Variants in BPIFB4 observed in about 807,000 individuals in gnomAD.
BPIFB4 encodes the protein BPI fold-containing family B member 4.
BPIFB4 carries 62 observed loss-of-function variants against 69.2 expected under a neutral mutation model. That is an observed-to-expected ratio of 0.90 (90% CI 0.73 to 1.11). The LOEUF is 1.11. Among genes scored for constraint, BPIFB4 ranks in the 50% least tolerant of loss-of-function variants. The probability of loss-of-function intolerance (pLI) is 0.00; values close to 1 mark genes in which losing one functional copy is unlikely to be tolerated. For missense variants in BPIFB4, 789 were observed against 792.0 expected (o/e 1.00, Z 0.04); for synonymous variants, 330 against 332.7 (o/e 0.99, Z 0.09).
At chr20:33,092,723 GTC>G in intron 11 of BPIFB4, 65 bp downstream of exon 11, 1 of 1,460,528 alleles carries the variant, frequency 6.8e-7, no homozygotes, top group African/African-American at 1.4e-5. Flanking sequence ...ACCCTTCTCA[GTC>G]TCCACAGACT....
chr20:33,093,928 ATCTG>A (rs1357450158), intron 11 of BPIFB4, among the ~76,000 whole-genome samples: 3 of 152,072 alleles, frequency 2.0e-5, no homozygotes, highest in Non-Finnish European at 4.4e-5. Flanking sequence ...TATCTGTCTG[ATCTG>A]TCTGTCTGTC....
chr20:33,081,136 G>A (rs1037158298), intron 2 of BPIFB4, among the ~76,000 whole-genome samples: 5 of 152,212 alleles, frequency 3.3e-5, no homozygotes, highest in African/African-American at 1.2e-4. Context: ...GAGTAGATGA[G>A]TAGATGGGTA....
At chr20:33,108,171 C>G (rs1982124910) in intron 17 of BPIFB4, among the ~76,000 whole-genome samples, 1 of 152,104 alleles carries the variant, frequency 6.6e-6, no homozygotes, top group African/African-American at 2.4e-5. Context: ...GTGCCAGGCA[C>G]TATGCAGGGG....
At chr20:33,089,842 G>A (rs1173016218) in intron 9 of BPIFB4, among the ~76,000 whole-genome samples, 1 of 152,210 alleles carries the variant, frequency 6.6e-6, no homozygotes. Context: ...GGCTCGTCCT[G>A]GGAGCCAGGA....
At chr20:33,081,482 A>ACATCTG (rs1568999224) in intron 2 of BPIFB4, 30 bp from the exon 3 acceptor site, 3 of 1,549,430 alleles carry the variant, frequency 1.9e-6, no homozygotes, top group Admixed American at 3.9e-5. Context: ...GCGCCCAGCC[A>ACATCTG]CATCTGCATC....
intron 3 of BPIFB4, 31 bp downstream of exon 3, chr20:33,081,663 G>T (rs1262459506): frequency 6.4e-7 from 1 of 1,550,574 alleles, no homozygotes; most frequent in Non-Finnish European, 8.7e-7. Flanking sequence ...GTGAGGGTTG[G>T]CATGGGGTGA....
At chr20:33,107,249 A>AAAT (rs1982089761) in intron 16 of BPIFB4, among the ~76,000 whole-genome samples, 1 of 145,132 alleles carries the variant, frequency 6.9e-6, no homozygotes, top group Non-Finnish European at 1.6e-5. Flanking sequence ...AAAGAAAAGA[A>AAAT]AAGAAAAGAA....
Position 33,090,725 on chromosome 20 carries a change from A to T in BPIFB4, c.1069A>T (p.Ile357Leu). The T allele has an allele frequency of 6.2e-7, 1 of 1,614,060 alleles. No individual in the cohort carries two copies. Among genetic ancestry groups the T allele is most frequent in the South Asian group, 1.1e-5 (1 of 91,068 alleles). Residue 357 changes from isoleucine to leucine, a missense_variant, in exon 10 of 18, where the codon ATA becomes TTA. By Grantham distance (5) the Ile-to-Leu change is conservative. Around this residue, in one of 3 missense-constraint regions of BPIFB4, gnomAD observed 611 missense variants for 575.4 expected, o/e 1.06. Transcript: ENST00000375483. The part of the protein sequence containing the change: ...GLVDSLIPLG[I>L]LGSVQYTFSS... ...GCCTGCAGCTCTGATTCCTCTGGGG[A>T]TATTGGGAAGTGTCCAGTACACCTT...
chr20:33,086,874 T>A (rs148471519), intron 7 of BPIFB4, among the ~76,000 whole-genome samples: 44 of 152,354 alleles, frequency 2.9e-4, no homozygotes, highest in African/African-American at 9.9e-4. Flanking sequence ...GAGTACACAC[T>A]CAGAGCGGAG....
intron 17 of BPIFB4, among the ~76,000 whole-genome samples, chr20:33,109,748 T>C (rs1411006284): frequency 6.6e-6 from 1 of 152,194 alleles, no homozygotes; most frequent in African/African-American, 2.4e-5. Flanking sequence ...ACACAGGTTA[T>C]AGAATCTGTG....
At chr20:33,094,671 T>G (rs900282694) in intron 11 of BPIFB4, among the ~76,000 whole-genome samples, 1 of 152,094 alleles carries the variant, frequency 6.6e-6, no homozygotes, top group Non-Finnish European at 1.5e-5. Context: ...CATGCCCGGC[T>G]AATTTTTGTA....
intron 14 of BPIFB4, among the ~76,000 whole-genome samples, chr20:33,101,046 A>G (rs974675600): frequency 6.6e-6 from 1 of 152,060 alleles, no homozygotes. Context: ...CCCTGTCTCT[A>G]AGTAACAGTG....
At chr20:33,081,731 C>G in intron 3 of BPIFB4, 99 bp downstream of exon 3, 4 of 1,495,176 alleles carry the variant, frequency 2.7e-6, no homozygotes, top group Non-Finnish European at 2.7e-6. Context: ...TAGCAGAGTT[C>G]ACATCGGGAG....
chr20:33,089,420 G>T, intron 8 of BPIFB4, 78 bp from the exon 9 acceptor site: 2 of 1,604,164 alleles, frequency 1.2e-6, no homozygotes. Flanking sequence ...TTTAGCTATC[G>T]TTACTCTTGC....
chr20:33,081,387 C>T lies in BPIFB4; in HGVS notation c.-15-125C>T. 10 of 1,439,100 alleles carry T rather than the reference C, an allele frequency of 6.9e-6. No individual in the cohort carries two copies. In the South Asian group the frequency reaches 1.2e-4, roughly 17 times the overall value. The allele number at this position is 1,439,100 out of a possible 1,614,324, so 89.1% of individuals were successfully genotyped here. Reference sequence around the variant, plus strand: ...ACCCTGCCTTAGTATGTGACCTTGGCTGGTTTCCCCTCTCTCTGGGTCCCA... The same window carrying T: ...ACCCTGCCTTAGTATGTGACCTTGGTTGGTTTCCCCTCTCTCTGGGTCCCA... On this transcript the variant is annotated intron_variant, in intron 2 of 17. Coordinates refer to ENST00000375483, the MANE Select transcript of BPIFB4 (RefSeq NM_182519.3).
rs1412014692 is a variant in BPIFB4 at position 33,081,512 on chromosome 20, G to A, written c.-15G>A. ...TGCATCTGCACTTTCTCCTCCACAG[G>A]GAAGCAGTGCCAGCATGTGGATGGC... On this transcript the variant is annotated splice_region_variant and 5_prime_UTR_variant, in exon 3 of 18. Coordinates refer to ENST00000375483, the MANE Select transcript of BPIFB4 (RefSeq NM_182519.3). The A allele has an allele frequency of 2.6e-6, 4 of 1,551,456 alleles. No individual in the cohort carries two copies. The highest frequency in any genetic ancestry group is 3.5e-6 in the Non-Finnish European group (4 of 1,146,992).
intron 13 of BPIFB4, 47 bp downstream of exon 13, chr20:33,097,834 G>T: frequency 6.5e-7 from 1 of 1,529,374 alleles, no homozygotes; most frequent in Non-Finnish European, 8.9e-7. Context: ...CCTCAAGACA[G>T]AGCCACATGG....
intron 14 of BPIFB4, among the ~76,000 whole-genome samples, chr20:33,102,362 G>A (rs570993456): frequency 9.8e-5 from 15 of 152,350 alleles, no homozygotes; most frequent in Non-Finnish European, 1.3e-4. Flanking sequence ...GGCCTCTCTC[G>A]GGTAGGACTG....
At position 33,086,165 on chromosome 20, in the gene BPIFB4, G is replaced by A. The variant is rs758139078; in HGVS notation, c.926+1G>A. ...GCATCAAAGTCAAGCTGCTGCGAGGGTGAGTGCTAGCCGGCAGTGGAGTGC... is the reference window on the plus strand; with the variant it reads ...GCATCAAAGTCAAGCTGCTGCGAGGATGAGTGCTAGCCGGCAGTGGAGTGC... On this transcript the variant is annotated splice_donor_variant, in intron 7 of 17. Transcript: ENST00000375483. LOFTEE classifies it high-confidence loss of function. 1.2e-6 allele frequency: 2 copies of A among 1,604,836 alleles called. No homozygotes were observed. The highest frequency in any genetic ancestry group is 1.7e-5 in the Admixed American group (1 of 59,876).
Sources: gnomAD v4.1 joint callset for allele counts (sites outside exome capture counted in the v4.1 genomes callset) on GRCh38, gnomAD v4.1.1 for gene constraint, gnomAD v4.1.1 regional missense constraint, MANE v1.5 for transcripts, NCBI Gene and HGNC (gene_info 2026-07-23, HGNC 2026-07-21) for gene names.